The following FCHSD2 variants were observed in gnomAD, a reference collection of about 807,000 sequenced individuals.
The protein encoded by FCHSD2 is FCH and double SH3 domains 2, also known as F-BAR and double SH3 domains protein 2.
Under a neutral mutation model 108.1 loss-of-function variants are expected in FCHSD2, and 38 were observed. The ratio of observed to expected loss-of-function variants is 0.35; its 90% CI spans 0.27 to 0.46. The LOEUF (loss-of-function observed/expected upper bound fraction) is 0.46. FCHSD2 is among the 20% of genes least tolerant of loss of function. The pLI is 1.00. For missense variants in FCHSD2, 751 were observed against 897.8 expected (o/e 0.84, Z 2.09); for synonymous variants, 279 against 314.7 (o/e 0.89, Z 1.20).
intron 8 of FCHSD2, among the ~76,000 whole-genome samples, chr11:72,946,645 G>A (rs796156796): frequency 6.6e-6 from 1 of 152,234 alleles, no homozygotes; most frequent in East Asian, 1.9e-4. Context: ...TAGGTATTGT[G>A]GAAGTATCTA....
At chr11:73,125,817 T>C (rs1190268145) in intron 2 of FCHSD2, among the ~76,000 whole-genome samples, 2 of 152,056 alleles carry the variant, frequency 1.3e-5, no homozygotes, top group Non-Finnish European at 2.9e-5. Flanking sequence ...ATACTAACAA[T>C]TTCAATTGAT....
intron 5 of FCHSD2, among the ~76,000 whole-genome samples, chr11:72,991,684 G>A (rs1444304859): frequency 6.6e-6 from 1 of 152,164 alleles, no homozygotes; most frequent in African/African-American, 2.4e-5. Context: ...AATAGATGTA[G>A]AAAAGGCCTT....
At chr11:72,981,467 T>A (rs183070081) in intron 8 of FCHSD2, among the ~76,000 whole-genome samples, 48 of 152,230 alleles carry the variant, frequency 3.2e-4, no homozygotes, top group Admixed American at 2.7e-3. Flanking sequence ...AGAAAAAAAA[T>A]AGGATTTTAT....
intron 10 of FCHSD2, among the ~76,000 whole-genome samples, chr11:72,898,307 A>T (rs757492706): frequency 5.3e-5 from 8 of 152,244 alleles, no homozygotes; most frequent in Non-Finnish European, 1.0e-4. Context: ...GGTAACTTTA[A>T]AAGTCCTATA....
chr11:73,049,870 C>A (rs1385659781), intron 3 of FCHSD2, among the ~76,000 whole-genome samples: 4 of 138,840 alleles, frequency 2.9e-5, no homozygotes, highest in Non-Finnish European at 6.6e-5. Flanking sequence ...ACAAAAGGAC[C>A]ATAAAAAAAA....
chr11:72,867,839 G>C, intron 13 of FCHSD2, 26 bp downstream of exon 13: 1 of 1,598,614 alleles, frequency 6.3e-7, no homozygotes, highest in Non-Finnish European at 8.5e-7. Context: ...AAATCAACTT[G>C]TCATATCCAA....
intron 12 of FCHSD2, among the ~76,000 whole-genome samples, chr11:72,872,834 G>C (rs1015030074): frequency 2.0e-5 from 3 of 152,188 alleles, no homozygotes; most frequent in African/African-American, 7.2e-5. Context: ...GGATCATGAA[G>C]TAATGCTAAG....
chr11:73,055,033 G>A (rs1228641059), intron 3 of FCHSD2, among the ~76,000 whole-genome samples: 2 of 152,150 alleles, frequency 1.3e-5, no homozygotes, highest in African/African-American at 2.4e-5. Context: ...TCAAAATCAT[G>A]GGGGAAGGCA....
intron 2 of FCHSD2, among the ~76,000 whole-genome samples, chr11:73,124,274 G>A (rs911383415): frequency 5.9e-5 from 9 of 152,104 alleles, no homozygotes; most frequent in Admixed American, 1.3e-4. Flanking sequence ...ATGGGGGGAC[G>A]GGGAAGGGAT....
intron 2 of FCHSD2, among the ~76,000 whole-genome samples, chr11:73,111,883 T>C (rs1483602143): frequency 1.3e-5 from 2 of 152,342 alleles, no homozygotes; most frequent in Admixed American, 6.5e-5. Flanking sequence ...AATAAAAACC[T>C]ACACTTTTAA....
At chr11:72,921,783 C>G (rs760898137) in intron 9 of FCHSD2, 45 bp downstream of exon 9, 4 of 1,539,796 alleles carry the variant, frequency 2.6e-6, no homozygotes. Flanking sequence ...AATACTTTAG[C>G]TTCTAAGTTG....
intron 3 of FCHSD2, among the ~76,000 whole-genome samples, chr11:73,060,326 C>G (rs982278376): frequency 6.6e-6 from 1 of 152,166 alleles, no homozygotes; most frequent in Non-Finnish European, 1.5e-5. Flanking sequence ...TTATCTGTCA[C>G]CAGCAAATTC....
intron 2 of FCHSD2, among the ~76,000 whole-genome samples, chr11:73,084,358 T>G (rs995106088): frequency 6.6e-6 from 1 of 152,210 alleles, no homozygotes; most frequent in African/African-American, 2.4e-5. Context: ...ACATGTATTA[T>G]ATTTCAAAGA....
At chr11:73,016,555 A>G (rs1857979417) in intron 3 of FCHSD2, among the ~76,000 whole-genome samples, 1 of 152,220 alleles carries the variant, frequency 6.6e-6, no homozygotes, top group African/African-American at 2.4e-5. Context: ...ACAGCTGTCC[A>G]TCTCCATAGA....
intron 5 of FCHSD2, among the ~76,000 whole-genome samples, chr11:72,993,888 C>T (rs1374688975): frequency 6.6e-6 from 1 of 151,912 alleles, no homozygotes; most frequent in African/African-American, 2.4e-5. Flanking sequence ...GCACATGTAC[C>T]CTAAAACTTA....
chr11:73,011,728 G>A (rs1857868192), intron 4 of FCHSD2, among the ~76,000 whole-genome samples: 1 of 152,226 alleles, frequency 6.6e-6, no homozygotes, highest in Non-Finnish European at 1.5e-5. Context: ...CAGCACTACA[G>A]AAGTCTACAG....
In FCHSD2 at chr11:72,902,822, C is replaced by T. The variant is rs570812123; in HGVS notation, c.829-184G>A. ...TAGACAATGGTTATTATTTATCTGT[C>T]CTATTTTCTCAAAAATAAATTTGGA... On this transcript the variant is annotated intron_variant, in intron 9 of 19. Transcript: ENST00000409418. Among the ~76,000 whole-genome samples the T allele has an allele frequency of 2.6e-5, 4 of 152,148 alleles. No homozygotes were observed. The South Asian group carries it at 8.3e-4, about 32-fold the overall frequency.
At chr11:72,879,056 G>A (rs758507206) in intron 12 of FCHSD2, among the ~76,000 whole-genome samples, 3 of 152,090 alleles carry the variant, frequency 2.0e-5, no homozygotes, top group Non-Finnish European at 4.4e-5. Context: ...GTTGCACTGA[G>A]CAGAGATCAT....
intron 1 of FCHSD2, among the ~76,000 whole-genome samples, chr11:73,141,626 A>G (rs1861250618): frequency 1.3e-5 from 2 of 152,158 alleles, no homozygotes; most frequent in South Asian, 4.1e-4. Flanking sequence ...CTCTTGTGAA[A>G]TGTCTGGGGG....
Sources: gnomAD v4.1 joint callset for allele counts (sites outside exome capture counted in the v4.1 genomes callset) on GRCh38, gnomAD v4.1.1 for gene constraint, MANE v1.5 for transcripts, NCBI Gene and HGNC (gene_info 2026-07-23, HGNC 2026-07-21) for gene names.